SLC25A26: variants seen among roughly 807,000 people sequenced by gnomAD.
The protein encoded by SLC25A26 is solute carrier family 25 member 26.
A neutral mutation model predicts 37.8 loss-of-function variants in SLC25A26; 36 were observed. That is an observed-to-expected ratio of 0.95 (90% CI 0.73 to 1.26). The LOEUF (loss-of-function observed/expected upper bound fraction) is 1.26. Ranked by LOEUF, SLC25A26 falls within the 50% of genes most tolerant of loss-of-function variation. The pLI, the probability that SLC25A26 is intolerant of heterozygous loss-of-function variation, is 0.00. For missense variants in SLC25A26, 390 were observed against 331.1 expected (o/e 1.18, Z -1.38); for synonymous variants, 129 against 122.5 (o/e 1.05, Z -0.35).
intron 1 of SLC25A26, among the ~76,000 whole-genome samples, chr3:66,212,958 T>G (rs2071306037): frequency 1.3e-5 from 2 of 152,244 alleles, no homozygotes; most frequent in Non-Finnish European, 2.9e-5. Context: ...ACACAATCTT[T>G]TCCTTTTCTT....
intron 5 of SLC25A26, among the ~76,000 whole-genome samples, chr3:66,298,326 C>G (rs1202926092): frequency 6.6e-6 from 1 of 152,124 alleles, no homozygotes; most frequent in African/African-American, 2.4e-5. Context: ...AATATTTTCT[C>G]TAGTAAAACT....
At chr3:66,354,817 G>A (rs2076538133) in intron 6 of SLC25A26, among the ~76,000 whole-genome samples, 1 of 152,112 alleles carries the variant, frequency 6.6e-6, no homozygotes, top group Non-Finnish European at 1.5e-5. Context: ...AGATCTGATA[G>A]CTTTAAAAAA....
intron 2 of SLC25A26, among the ~76,000 whole-genome samples, chr3:66,239,128 A>G (rs139565428): frequency 0.041 from 6,266 of 152,246 alleles, 155 homozygotes; most frequent in Non-Finnish European, 0.06. Flanking sequence ...TCCTTCTTCT[A>G]CATCTTCTCC....
intron 5 of SLC25A26, among the ~76,000 whole-genome samples, chr3:66,318,962 T>C (rs1213147414): frequency 6.6e-6 from 1 of 152,184 alleles, no homozygotes; most frequent in Non-Finnish European, 1.5e-5. Flanking sequence ...AAAGGACTTT[T>C]AGATTGACAA....
chr3:66,154,532 CT>C (rs1181885420), intron 1 of SLC25A26, among the ~76,000 whole-genome samples: 3 of 131,150 alleles, frequency 2.3e-5, no homozygotes, highest in Non-Finnish European at 3.2e-5. Flanking sequence ...ACCTCGTTTT[CT>C]TTTTTTCTTT....
chr3:66,150,802 A>G (rs1164424249), intron 1 of SLC25A26, among the ~76,000 whole-genome samples: 2 of 151,118 alleles, frequency 1.3e-5, no homozygotes, highest in African/African-American at 4.9e-5. Flanking sequence ...CTCTTCATCC[A>G]TTCACAAAAT....
At chr3:66,179,233 T>A (rs1240557490) in intron 1 of SLC25A26, among the ~76,000 whole-genome samples, 1 of 152,200 alleles carries the variant, frequency 6.6e-6, no homozygotes, top group Non-Finnish European at 1.5e-5. Flanking sequence ...TTGAAAAAAA[T>A]TAAGATGACC....
chr3:66,370,677 A>C, intron 9 of SLC25A26, 75 bp downstream of exon 9: 1 of 1,143,338 alleles, frequency 8.7e-7, no homozygotes. Context: ...TTGGATGAAC[A>C]CCTCTCCTTC....
At chr3:66,184,464 A>G (rs996992424) in intron 1 of SLC25A26, among the ~76,000 whole-genome samples, 2 of 152,048 alleles carry the variant, frequency 1.3e-5, no homozygotes, top group Non-Finnish European at 2.9e-5. Context: ...GATCATCACT[A>G]TGACCTTGAA....
chr3:66,335,073 T>C (rs947134059), intron 5 of SLC25A26, among the ~76,000 whole-genome samples: 2 of 152,206 alleles, frequency 1.3e-5, no homozygotes, highest in Admixed American at 6.5e-5. Flanking sequence ...ACAAGTTATA[T>C]AATAGGTTCC....
rs1043561503 is a variant in SLC25A26 at position 66,186,981 on chromosome 3, G to C, written c.-353-33761G>C. ...TGATCCTGGCCCTGATTATCACCCT[G>C]ACCTGACCAACATCTTGACCTGATT... On this transcript the variant is annotated intron_variant, in intron 1 of 10. Transcript: ENST00000676754. 8.6e-3 allele frequency among the ~76,000 whole-genome samples: 1,309 copies of C among 151,964 alleles called. 27 individuals are homozygous for C. Among genetic ancestry groups the C allele is most frequent in the African/African-American group, 0.03 (1,252 of 41,430 alleles).
At chr3:66,334,634 A>G (rs1347331130) in intron 5 of SLC25A26, among the ~76,000 whole-genome samples, 1 of 152,104 alleles carries the variant, frequency 6.6e-6, no homozygotes, top group Non-Finnish European at 1.5e-5. Context: ...AAGCTTTAGG[A>G]GGTGTAGCAG....
intron 6 of SLC25A26, among the ~76,000 whole-genome samples, chr3:66,350,983 A>G (rs764620413): frequency 2.6e-4 from 39 of 152,074 alleles, no homozygotes; most frequent in Non-Finnish European, 4.9e-4. Context: ...ATCACCCACC[A>G]TATTGTGTTT....
At chr3:66,227,402 G>T (rs139005495) in intron 1 of SLC25A26, among the ~76,000 whole-genome samples, 6 of 151,834 alleles carry the variant, frequency 4.0e-5, no homozygotes, top group African/African-American at 7.3e-5. Context: ...ATAAAATGTC[G>T]TGTGCATTTA....
intron 1 of SLC25A26, among the ~76,000 whole-genome samples, chr3:66,166,893 G>A (rs766581164): frequency 6.6e-6 from 1 of 152,164 alleles, no homozygotes; most frequent in African/African-American, 2.4e-5. Flanking sequence ...GGACCCAGTT[G>A]TGGGAGGTAA....
chr3:66,267,651 G>A (rs1399698489), intron 5 of SLC25A26, among the ~76,000 whole-genome samples: 1 of 152,172 alleles, frequency 6.6e-6, no homozygotes, highest in African/African-American at 2.4e-5. Context: ...TTCGGTAGAT[G>A]CTAGTAAAGA....
intron 6 of SLC25A26, among the ~76,000 whole-genome samples, chr3:66,362,420 T>C (rs13100277): frequency 0.33 from 44,252 of 135,688 alleles, 7,225 homozygotes; most frequent in East Asian, 0.67. Context: ...ATAAAAGAAG[T>C]TGGATTTAAA....
At chr3:66,374,208 G>A (rs1398075022) in intron 9 of SLC25A26, among the ~76,000 whole-genome samples, 1 of 152,136 alleles carries the variant, frequency 6.6e-6, no homozygotes, top group Non-Finnish European at 1.5e-5. Context: ...CCAAATTGAA[G>A]GTTTGTGGCA....
At position 66,229,563 on chromosome 3, in the gene SLC25A26, G is replaced by C. The variant is rs974901765; in HGVS notation, c.34-6981G>C. On this transcript the variant is annotated intron_variant, in intron 1 of 9. Transcript: ENST00000354883. ...TGTGTCCTGCCGCCCTGTGAAGAAGGTGCCTGCTTCACCTTTGCCCTCTGG... is the reference window on the plus strand; with the variant it reads ...TGTGTCCTGCCGCCCTGTGAAGAAGCTGCCTGCTTCACCTTTGCCCTCTGG... Among the ~76,000 whole-genome samples the C allele has an allele frequency of 2.6e-5, 4 of 152,206 alleles. No individual in the cohort carries two copies. In the South Asian group the frequency reaches 8.3e-4, roughly 32 times the overall value.
Sources: gnomAD v4.1 joint callset for allele counts (sites outside exome capture counted in the v4.1 genomes callset) on GRCh38, gnomAD v4.1.1 for gene constraint, MANE v1.5 for transcripts, NCBI Gene and HGNC (gene_info 2026-07-23, HGNC 2026-07-21) for gene names.